Variants in OPCML observed in about 807,000 individuals in gnomAD.
OPCML encodes the protein opioid-binding protein/cell adhesion molecule.
A neutral mutation model predicts 37.8 loss-of-function variants in OPCML; 13 were observed. The ratio of observed to expected loss-of-function variants is 0.34; its 90% CI spans 0.22 to 0.55. The LOEUF is 0.55. OPCML is among the 20% of genes least tolerant of loss of function. OPCML has a pLI of 0.91. For missense variants in OPCML, 341 were observed against 435.6 expected (o/e 0.78, Z 1.93); for synonymous variants, 176 against 168.8 (o/e 1.04, Z -0.33).
intron 2 of OPCML, among the ~76,000 whole-genome samples, chr11:132,857,651 A>T (rs1400718469): frequency 1.3e-5 from 2 of 152,248 alleles, no homozygotes; most frequent in Admixed American, 1.3e-4. Flanking sequence ...CGTTCTAAGA[A>T]ACATGCAAAG....
chr11:133,530,272 C>T (rs1948578140), intron 1 of OPCML, among the ~76,000 whole-genome samples: 1 of 152,254 alleles, frequency 6.6e-6, no homozygotes, highest in Admixed American at 6.5e-5. Flanking sequence ...AAGGAGGTCT[C>T]ACCCTGGCTC....
chr11:132,806,984 A>T, intron 2 of OPCML, among the ~76,000 whole-genome samples: 1 of 152,228 alleles, frequency 6.6e-6, no homozygotes, highest in East Asian at 1.9e-4. Flanking sequence ...AAAATGGAAT[A>T]GTAATGAAAT....
intron 1 of OPCML, among the ~76,000 whole-genome samples, chr11:133,468,119 T>C (rs1339339317): frequency 6.6e-6 from 1 of 152,152 alleles, no homozygotes; most frequent in Non-Finnish European, 1.5e-5. Context: ...TGAAATGAAG[T>C]AGAAGTTTTA....
At chr11:132,821,082 A>G (rs1939960069) in intron 2 of OPCML, among the ~76,000 whole-genome samples, 1 of 152,212 alleles carries the variant, frequency 6.6e-6, no homozygotes, top group East Asian at 1.9e-4. Context: ...GAGTGAGGTC[A>G]AGAGGCCAGG....
chr11:132,755,763 C>T (rs533437377), intron 2 of OPCML, among the ~76,000 whole-genome samples: 1 of 152,292 alleles, frequency 6.6e-6, no homozygotes, highest in South Asian at 2.1e-4. Flanking sequence ...AAGTCCTTTA[C>T]AGTCAAAATA....
At chr11:133,295,805 C>T (rs1942615414) in intron 1 of OPCML, among the ~76,000 whole-genome samples, 1 of 152,194 alleles carries the variant, frequency 6.6e-6, no homozygotes, top group Non-Finnish European at 1.5e-5. Context: ...CTATCTGGTA[C>T]AGGTTCAGTT....
intron 4 of OPCML, among the ~76,000 whole-genome samples, chr11:132,452,186 T>C (rs75642915): frequency 0.029 from 4,442 of 152,294 alleles, 199 homozygotes; most frequent in East Asian, 0.17. Flanking sequence ...GAGTTGTTAA[T>C]GACTTTTGTG....
At chr11:133,498,457 A>G (rs944786928) in intron 1 of OPCML, among the ~76,000 whole-genome samples, 5 of 152,220 alleles carry the variant, frequency 3.3e-5, no homozygotes, top group Non-Finnish European at 4.4e-5. Context: ...AGTCAGAACT[A>G]GAGCAATCCC....
chr11:132,868,510 A>G (rs1201858751), intron 2 of OPCML, among the ~76,000 whole-genome samples: 2 of 151,610 alleles, frequency 1.3e-5, no homozygotes, highest in South Asian at 4.2e-4. Context: ...ATTGAAAAAA[A>G]CTTTGTTTCC....
chr11:133,030,333 C>T (rs923767485), intron 1 of OPCML, among the ~76,000 whole-genome samples: 2 of 152,208 alleles, frequency 1.3e-5, no homozygotes, highest in African/African-American at 4.8e-5. Flanking sequence ...TCTCCTGCCA[C>T]ATGCTCACAA....
At chr11:132,806,249 TAAATC>T (rs1392415528) in intron 2 of OPCML, among the ~76,000 whole-genome samples, 2 of 152,062 alleles carry the variant, frequency 1.3e-5, no homozygotes, top group African/African-American at 4.8e-5. Flanking sequence ...ATGGTAGACT[TAAATC>T]AAACCAAAAC....
chr11:132,615,356 T>TCTCTAAGCC (rs1179460136), intron 3 of OPCML, among the ~76,000 whole-genome samples: 1 of 152,180 alleles, frequency 6.6e-6, no homozygotes, highest in East Asian at 1.9e-4. Flanking sequence ...CTGCTTCTTG[T>TCTCTAAGCC]CTCTAAGCCT....
At chr11:133,461,084 G>T (rs1565647306) in intron 1 of OPCML, among the ~76,000 whole-genome samples, 1 of 151,766 alleles carries the variant, frequency 6.6e-6, no homozygotes, top group East Asian at 1.9e-4. Flanking sequence ...ATCTAACTCA[G>T]TAAGAGCCAT....
intron 2 of OPCML, among the ~76,000 whole-genome samples, chr11:132,787,198 G>A (rs1035284583): frequency 6.6e-6 from 1 of 152,118 alleles, no homozygotes; most frequent in African/African-American, 2.4e-5. Context: ...ATGTACTCTA[G>A]CATCCACTGT....
chr11:133,333,506 A>G (rs1943672873), intron 1 of OPCML, among the ~76,000 whole-genome samples: 1 of 152,250 alleles, frequency 6.6e-6, no homozygotes, highest in African/African-American at 2.4e-5. Context: ...AGATGAATTA[A>G]AGGCTTACAT....
intron 1 of OPCML, among the ~76,000 whole-genome samples, chr11:133,274,902 G>A (rs1010019389): frequency 6.6e-6 from 1 of 152,192 alleles, no homozygotes; most frequent in Admixed American, 6.5e-5. Flanking sequence ...GAGACCTGCC[G>A]TTTCTCAGGA....
chr11:132,524,593 G>A lies in OPCML; in HGVS notation c.505+4468C>T, dbSNP rs78777998. 8.1e-4 allele frequency among the ~76,000 whole-genome samples: 124 copies of A among 152,286 alleles called. No homozygotes were observed. In the East Asian group the frequency reaches 8.3e-3, roughly 10 times the overall value. On this transcript the variant is annotated intron_variant, in intron 4 of 7. Transcript: ENST00000524381. ...AGAAACAGCAAAACCCCAAAGGGAC[G>A]TTTGCATAGTGCTTTTCGTTATGTT...
At chr11:132,914,826 C>T (rs1032531522) in intron 2 of OPCML, among the ~76,000 whole-genome samples, 8 of 152,202 alleles carry the variant, frequency 5.3e-5, no homozygotes, top group South Asian at 2.1e-4. Flanking sequence ...GAATTCCATA[C>T]GCCATTACAC....
intron 2 of OPCML, among the ~76,000 whole-genome samples, chr11:132,791,877 G>A (rs776451974): frequency 6.6e-6 from 1 of 152,196 alleles, no homozygotes; most frequent in East Asian, 1.9e-4. Context: ...GTTGGAGTCT[G>A]AGCTTCTGGG....
Sources: allele counts gnomAD v4.1 joint callset (sites outside exome capture counted in the v4.1 genomes callset), GRCh38; gene constraint gnomAD v4.1.1; transcripts MANE v1.5; gene names NCBI Gene and HGNC (gene_info 2026-07-23, HGNC 2026-07-21).